FAM110B: variants seen among roughly 807,000 people sequenced by gnomAD.
The protein encoded by FAM110B is protein FAM110B.
Under a neutral mutation model 20.4 loss-of-function variants are expected in FAM110B, and 6 were observed. The ratio of observed to expected loss-of-function variants is 0.29; its 90% confidence interval spans 0.16 to 0.58. The LOEUF (loss-of-function observed/expected upper bound fraction) is 0.58. Ranked by LOEUF, FAM110B falls within the 20% of genes least tolerant of loss-of-function variation. FAM110B has a pLI of 0.90. For synonymous variants in FAM110B, 226 were observed against 214.1 expected, an observed-to-expected ratio of 1.06 and a Z score of -0.49; for missense variants, 434 against 498.2, an observed-to-expected ratio of 0.87 and a Z score of 1.23.
At chr8:58,120,419 A>G (rs1011740008) in intron 3 of FAM110B, among the ~76,000 whole-genome samples, 1 of 152,162 alleles carries the variant, frequency 6.6e-6, no homozygotes, top group Non-Finnish European at 1.5e-5. Flanking sequence ...ATTATCCTGT[A>G]GACTGTGGCA....
At chr8:58,096,560 A>G (rs1486412491) in intron 3 of FAM110B, among the ~76,000 whole-genome samples, 1 of 152,140 alleles carries the variant, frequency 6.6e-6, no homozygotes, top group African/African-American at 2.4e-5. Context: ...TAATATTGTT[A>G]TGCGTGAATT....
intron 3 of FAM110B, among the ~76,000 whole-genome samples, chr8:58,134,065 C>T (rs747688117): frequency 1.3e-5 from 2 of 151,682 alleles, no homozygotes; most frequent in African/African-American, 2.4e-5. Context: ...TATCGTCTTA[C>T]GTGTCTTATT....
At position 58,052,310 on chromosome 8, in the gene FAM110B, A is replaced by G. The variant is rs191126716; in HGVS notation, c.-414+20607A>G. 3.9e-4 allele frequency among the ~76,000 whole-genome samples: 59 copies of G among 152,314 alleles called. No individual in the cohort carries two copies. The East Asian group carries it at 0.011, about 28-fold the overall frequency. On this transcript the variant is annotated intron_variant, in intron 2 of 3. Transcript: ENST00000519262. ...TTAATTTCATCCTTTGTGACTCAAC[A>G]AAGTTCTGATGCAATGCAATGACAG...
chr8:58,067,927 C>T (rs879790107), intron 2 of FAM110B, among the ~76,000 whole-genome samples: 3 of 152,180 alleles, frequency 2.0e-5, no homozygotes, highest in Non-Finnish European at 2.9e-5. Flanking sequence ...AGTTCCAAAA[C>T]AAATACTGGG....
At chr8:58,012,042 C>A (rs1209649161) in intron 1 of FAM110B, among the ~76,000 whole-genome samples, 1 of 152,140 alleles carries the variant, frequency 6.6e-6, no homozygotes, top group African/African-American at 2.4e-5. Flanking sequence ...GCATTACTGC[C>A]TAGTGTACTC....
Position 58,146,820 on chromosome 8 carries a change from C to T in FAM110B, c.590C>T (p.Ser197Phe). The T allele has an allele frequency of 6.2e-7, 1 of 1,610,912 alleles. No homozygotes were observed. Among genetic ancestry groups the T allele is most frequent in the Non-Finnish European group, 8.5e-7 (1 of 1,178,036 alleles). Residue 197 changes from serine (S) to phenylalanine (F), a missense_variant, in exon 4 of 4, where the codon TCC (serine) becomes TTC (phenylalanine). Around this residue, in one of 3 missense-constraint regions of FAM110B, gnomAD observed 284 missense variants for 278.3 expected, o/e 1.02. Coordinates refer to ENST00000519262, the MANE Select transcript of FAM110B (RefSeq NM_001377989.1). ...EQSAESFLHV[S>F]HSSSDIRKVT... is the part of the protein sequence containing the mutation. ...TCAGCCGAGTCCTTCCTCCACGTGT[C>T]CCACAGCTCTTCGGACATCCGCAAG... is the stretch of plus-strand genomic sequence containing the variant.
chr8:58,022,770 C>G (rs1379710461), intron 1 of FAM110B, among the ~76,000 whole-genome samples: 5 of 152,094 alleles, frequency 3.3e-5, no homozygotes, highest in African/African-American at 1.2e-4. Flanking sequence ...AATTCTTTGG[C>G]CTGAAATCAT....
At chr8:58,145,020 T>C (rs1178731944) in intron 3 of FAM110B, among the ~76,000 whole-genome samples, 2 of 152,214 alleles carry the variant, frequency 1.3e-5, no homozygotes, top group Admixed American at 6.5e-5. Flanking sequence ...TATTTTTAGG[T>C]ATGATTGGAC....
chr8:58,081,073 C>T (rs916295203), intron 3 of FAM110B, among the ~76,000 whole-genome samples: 1 of 152,196 alleles, frequency 6.6e-6, no homozygotes, highest in African/African-American at 2.4e-5. Flanking sequence ...CTGCTGACTC[C>T]TCCTCGAGGG....
intron 2 of FAM110B, among the ~76,000 whole-genome samples, chr8:58,045,460 G>A (rs1805302040): frequency 6.6e-6 from 1 of 152,168 alleles, no homozygotes; most frequent in Non-Finnish European, 1.5e-5. Flanking sequence ...TGCACGCTCT[G>A]TGTACTCATG....
At chr8:58,054,468 A>G (rs1805513842) in intron 2 of FAM110B, among the ~76,000 whole-genome samples, 1 of 152,234 alleles carries the variant, frequency 6.6e-6, no homozygotes, top group African/African-American at 2.4e-5. Context: ...TTACCAAAGA[A>G]TCAGTGTGGT....
At chr8:58,110,644 G>GA (rs1260708471) in intron 3 of FAM110B, among the ~76,000 whole-genome samples, 1 of 152,120 alleles carries the variant, frequency 6.6e-6, no homozygotes, top group Non-Finnish European at 1.5e-5. Context: ...TTTTATTCCA[G>GA]AAAAATTATT....
Position 58,048,942 on chromosome 8 carries a change from T to C in FAM110B, c.-414+17239T>C, listed in dbSNP as rs147693830. Among the ~76,000 whole-genome samples the C allele has an allele frequency of 1.4e-3, 217 of 152,334 alleles. 1 individual carries two copies. The highest frequency in any genetic ancestry group is 5.1e-3 in the African/African-American group (211 of 41,568). On this transcript the variant is annotated intron_variant, in intron 2 of 3. Transcript: ENST00000519262. ...TAAGAAATGGATTATCGTGGGGAAG[T>C]CTCTCACTTAAGAAAAATCATTATA...
At chr8:58,002,122 C>T (rs1804311061) in intron 1 of FAM110B, among the ~76,000 whole-genome samples, 1 of 152,162 alleles carries the variant, frequency 6.6e-6, no homozygotes, top group African/African-American at 2.4e-5. Context: ...GGATAATGCC[C>T]ACCCACATTG....
chr8:58,117,927 A>T (rs1807257195), intron 3 of FAM110B, among the ~76,000 whole-genome samples: 1 of 152,206 alleles, frequency 6.6e-6, no homozygotes, highest in African/African-American at 2.4e-5. Flanking sequence ...TAAATACAAG[A>T]CAGCATGTTT....
At chr8:58,020,097 T>C (rs1335264368) in intron 1 of FAM110B, among the ~76,000 whole-genome samples, 1 of 152,160 alleles carries the variant, frequency 6.6e-6, no homozygotes, top group Non-Finnish European at 1.5e-5. Flanking sequence ...TTCAATAAAT[T>C]TTTAATTTGA....
chr8:58,120,043 G>C (rs1489268479), intron 3 of FAM110B, among the ~76,000 whole-genome samples: 1 of 152,130 alleles, frequency 6.6e-6, no homozygotes, highest in Non-Finnish European at 1.5e-5. Flanking sequence ...TCCCAGAATC[G>C]TGTCCTGGAC....
At chr8:58,034,098 A>T (rs1805027370) in intron 2 of FAM110B, among the ~76,000 whole-genome samples, 1 of 152,238 alleles carries the variant, frequency 6.6e-6, no homozygotes, top group African/African-American at 2.4e-5. Context: ...TCAGTAGTCC[A>T]GAGCCTACTA....
rs1210193422 is a variant in FAM110B, at chr8:58,147,296, T to C, written c.1066T>C (p.Tyr356His). The C allele has an allele frequency of 6.2e-7, 1 of 1,614,194 alleles. No individual in the cohort carries two copies. The change falls in exon 4 of 4, where the codon TAT becomes CAT. Residue 356 changes from tyrosine (Y) to histidine (H), a missense_variant. Tyr to His is a moderately conservative substitution (Grantham distance 83). Around this residue, in one of 3 missense-constraint regions of FAM110B, gnomAD observed 94 missense variants for 137.8 expected, o/e 0.68. Coordinates refer to ENST00000519262, the MANE Select transcript of FAM110B (RefSeq NM_001377989.1). ...ERNARIIKWL[Y>H]SIKQARESQK... Reference sequence around the variant, plus strand: ...AAATGCTAGAATCATCAAGTGGTTATATAGCATCAAACAAGCTAGAGAGTC... The same window carrying C: ...AAATGCTAGAATCATCAAGTGGTTACATAGCATCAAACAAGCTAGAGAGTC...
Sources: gnomAD v4.1 joint callset for allele counts (sites outside exome capture counted in the v4.1 genomes callset) on GRCh38, gnomAD v4.1.1 for gene constraint, gnomAD v4.1.1 regional missense constraint, MANE v1.5 for transcripts, NCBI Gene and HGNC (gene_info 2026-07-23, HGNC 2026-07-21) for gene names.